NLRP5: variants seen among roughly 807,000 people sequenced by gnomAD.
The protein encoded by NLRP5 is NLR family pyrin domain containing 5, also known as NACHT, LRR and PYD domains-containing protein 5.
In NLRP5, 93 loss-of-function variants were observed where a neutral mutation model predicts 113.1. The ratio of observed to expected loss-of-function variants is 0.82; its 90% CI spans 0.70 to 0.98. The LOEUF (loss-of-function observed/expected upper bound fraction) is 0.98. Ranked by LOEUF, NLRP5 falls within the 50% of genes least tolerant of loss-of-function variation. The pLI, the probability that NLRP5 is intolerant of heterozygous loss-of-function variation, is 0.00. For synonymous variants in NLRP5, 751 were observed against 600.7 expected (o/e 1.25, Z -3.66); for missense variants, 1,808 against 1,514.3 (o/e 1.19, Z -3.22).
At chr19:56,003,272 C>G (rs542756216) in intron 1 of NLRP5, among the ~76,000 whole-genome samples, 1 of 152,344 alleles carries the variant, frequency 6.6e-6, no homozygotes, top group South Asian at 2.1e-4. Flanking sequence ...CTGCCTCAGC[C>G]TCCTGAGTAG....
intron 10 of NLRP5, among the ~76,000 whole-genome samples, 158 bp downstream of exon 10, chr19:56,038,353 G>A (rs919821849): frequency 6.6e-6 from 1 of 152,210 alleles, no homozygotes; most frequent in Non-Finnish European, 1.5e-5. Flanking sequence ...AGTGTGGGGT[G>A]TAAGAGTGAC....
chr19:56,047,769 T>A (rs1299882820), intron 11 of NLRP5, among the ~76,000 whole-genome samples: 2 of 152,200 alleles, frequency 1.3e-5, no homozygotes, highest in Admixed American at 1.3e-4. Flanking sequence ...TTTAAATCCA[T>A]TGTTTCTTTG....
At chr19:55,990,001 T>C in the NLRP5 span, among the ~76,000 whole-genome samples, 1 of 151,512 alleles carries the variant, frequency 6.6e-6, no homozygotes, top group African/African-American at 2.4e-5. Context: ...GTACATCATT[T>C]TGGCTATTTA....
At chr19:56,009,201 G>C (rs893340883) in intron 3 of NLRP5, among the ~76,000 whole-genome samples, 1 of 151,754 alleles carries the variant, frequency 6.6e-6, no homozygotes, top group Admixed American at 6.6e-5. Context: ...ATAGCCAGAC[G>C]TGGTGGTGGG....
intron 10 of NLRP5, among the ~76,000 whole-genome samples, chr19:56,039,117 A>C (rs1420988898): frequency 6.7e-6 from 1 of 149,040 alleles, no homozygotes; most frequent in Non-Finnish European, 1.5e-5. Flanking sequence ...TTCTCAAAAC[A>C]GGTCTACGGA....
chr19:56,029,340 C>T (rs955003441), intron 7 of NLRP5, among the ~76,000 whole-genome samples: 1 of 152,152 alleles, frequency 6.6e-6, no homozygotes, highest in Admixed American at 6.5e-5. Flanking sequence ...GATCTTTGCT[C>T]ACTGCAATCT....
intron 12 of NLRP5, among the ~76,000 whole-genome samples, chr19:56,052,438 T>C (rs1470931408): frequency 1.3e-5 from 2 of 152,040 alleles, no homozygotes; most frequent in Non-Finnish European, 2.9e-5. Context: ...CCAGCTACTT[T>C]TTTGTATTTT....
chr19:55,999,887 A>G lies in NLRP5; in HGVS notation c.62+100A>G, dbSNP rs1020258789. ...CCTGCCCTCGCTGCTGTCTGCTGCA[A>G]TGTTATTAGCAATCCGTTGCAGCAG... On this transcript the variant is annotated intron_variant, in intron 1 of 14. Coordinates refer to ENST00000390649, the MANE Select transcript of NLRP5 (RefSeq NM_153447.4). 5.9e-5 allele frequency: 51 copies of G among 857,526 alleles called. No homozygotes were observed. In the African/African-American group the frequency reaches 6.1e-4, roughly 10 times the overall value. The allele number at this position is 857,526 out of a possible 1,614,324, so 53.1% of individuals were successfully genotyped here.
chr19:56,048,979 A>ATTTTT lies in NLRP5; in HGVS notation c.2958-1423_2958-1419dup, dbSNP rs60229740. On this transcript the variant is annotated intron_variant, in intron 11 of 14. Transcript: ENST00000390649. ...CTTCAAGCTCTGATTTTTTTTTTTA[A>ATTTTT]TTTTTTTTTTTTTTTTTTTTGAGAC... Among the ~76,000 whole-genome samples, 733 of 94,786 alleles carry ATTTTT rather than the reference A, an allele frequency of 7.7e-3. 24 individuals are homozygous for ATTTTT. Among genetic ancestry groups the ATTTTT allele is most frequent in the African/African-American group, 0.016 (366 of 22,866 alleles). The allele number at this position is 94,786 out of a possible 152,430, so 62.2% of individuals were successfully genotyped here. A position where few individuals can be genotyped will look rare whatever the true frequency, so the allele number is the denominator to read the frequency against.
At chr19:56,057,163 C>G (rs945347712) in intron 13 of NLRP5, among the ~76,000 whole-genome samples, 3 of 152,136 alleles carry the variant, frequency 2.0e-5, no homozygotes, top group African/African-American at 7.2e-5. Context: ...CTTTTTCAAT[C>G]TAGAATGATT....
chr19:56,061,426 A>T lies in NLRP5; in HGVS notation c.3501A>T (p.Ile1167=). 6.2e-7 allele frequency: 1 copy of T among 1,614,014 alleles called. No individual in the cohort carries two copies. Among genetic ancestry groups the T allele is most frequent in the African/African-American group, 1.3e-5 (1 of 75,054 alleles). The stretch of plus-strand genomic sequence containing the variant: ...GGAAATGGCAGTACCCTGTGCAAAT[A>T]AGGAAGCTGCTGGAGGAAGTGCAGC... The change falls in exon 15 of 15, where the codon ATA becomes ATT. Residue 1167 remains isoleucine, a synonymous_variant. Transcript: ENST00000390649.
At chr19:56,016,646 C>T (rs1157780245) in intron 4 of NLRP5, among the ~76,000 whole-genome samples, 1 of 152,168 alleles carries the variant, frequency 6.6e-6, no homozygotes, top group Non-Finnish European at 1.5e-5. Flanking sequence ...CACTGTTCTA[C>T]CCTCCAATTC....
chr19:56,015,671 T>C, intron 3 of NLRP5, 71 bp from the exon 4 acceptor site: 3 of 1,256,192 alleles, frequency 2.4e-6, no homozygotes, highest in Middle Eastern at 2.0e-4. Context: ...TTATCTGGGG[T>C]GTCCAACATC....
At chr19:56,008,136 G>T (rs1008513797) in intron 2 of NLRP5, among the ~76,000 whole-genome samples, 16 of 150,870 alleles carry the variant, frequency 1.1e-4, no homozygotes, top group African/African-American at 3.6e-4. Flanking sequence ...CACCATGTTA[G>T]CCAGGATGGT....
intron 13 of NLRP5, among the ~76,000 whole-genome samples, chr19:56,054,661 A>T (rs1195432496): frequency 1.3e-5 from 2 of 151,966 alleles, no homozygotes; most frequent in Admixed American, 6.6e-5. Context: ...ACAAAAGGTC[A>T]CCTGGTGTAT....
At chr19:56,046,878 G>T (rs1433430535) in intron 11 of NLRP5, among the ~76,000 whole-genome samples, 3 of 152,178 alleles carry the variant, frequency 2.0e-5, no homozygotes, top group Non-Finnish European at 4.4e-5. Context: ...AATCCGTCTG[G>T]TCCTGGACTT....
At position 56,027,617 on chromosome 19, in the gene NLRP5, C is replaced by T. The variant is rs199475775; in HGVS notation, c.1384C>T (p.Arg462Cys). The change falls in exon 7 of 15, where the codon CGT (arginine) becomes TGT (cysteine). Residue 462 changes from arginine (R) to cysteine (C), a missense_variant. Arg to Cys is a radical substitution (Grantham distance 180). Coordinates refer to ENST00000390649, the MANE Select transcript of NLRP5 (RefSeq NM_153447.4). ...AGGGTTGCGTGCGATCATGAACAAC[C>T]GTGAGCTGCTCGACCAGTGCCAGGT... is the stretch of plus-strand genomic sequence containing the variant. 8.8e-5 allele frequency: 142 copies of T among 1,613,744 alleles called. No individual in the cohort carries two copies. Among genetic ancestry groups the T allele is most frequent in the Middle Eastern group, 4.9e-4 (3 of 6,062 alleles).
intron 10 of NLRP5, among the ~76,000 whole-genome samples, chr19:56,040,236 G>A (rs539282167): frequency 4.6e-5 from 7 of 151,914 alleles, no homozygotes; most frequent in South Asian, 2.1e-4. Flanking sequence ...CACAAACCAC[G>A]GTGCCCGCCC....
intron 10 of NLRP5, among the ~76,000 whole-genome samples, chr19:56,040,244 C>A (rs575864027): frequency 6.6e-6 from 1 of 152,224 alleles, no homozygotes; most frequent in South Asian, 2.1e-4. Flanking sequence ...ACGGTGCCCG[C>A]CCTAAGTGTA....
Sources: gnomAD v4.1 joint callset for allele counts (sites outside exome capture counted in the v4.1 genomes callset) on GRCh38, gnomAD v4.1.1 for gene constraint, MANE v1.5 for transcripts, NCBI Gene and HGNC (gene_info 2026-07-23, HGNC 2026-07-21) for gene names.